HECTD4: variants seen among roughly 807,000 people sequenced by gnomAD.
HECTD4 encodes the protein probable E3 ubiquitin-protein ligase HECTD4.
Under a neutral mutation model 471.5 loss-of-function variants are expected in HECTD4, and 114 were observed. The ratio of observed to expected loss-of-function variants is 0.24; its 90% CI spans 0.21 to 0.28. HECTD4 has a LOEUF of 0.28. Among genes scored for constraint, HECTD4 ranks in the 10% least tolerant of loss-of-function variants. The pLI is 1.00. For missense variants in HECTD4, 3,866 were observed against 5,651.5 expected (o/e 0.68, Z 10.13); for synonymous variants, 2,012 against 2,256.0 (o/e 0.89, Z 3.07).
chr12:112,189,783 C>T (rs899069123), intron 60 of HECTD4, among the ~76,000 whole-genome samples: 1 of 151,450 alleles, frequency 6.6e-6, no homozygotes, highest in Non-Finnish European at 1.5e-5. Flanking sequence ...GATGGAGTTT[C>T]GCTCTTGTTG....
chr12:112,357,953 A>G (rs1004801909), intron 1 of HECTD4, among the ~76,000 whole-genome samples: 2 of 152,224 alleles, frequency 1.3e-5, no homozygotes, highest in African/African-American at 4.8e-5. Context: ...CTGTCATCCC[A>G]GCACTTTGGG....
chr12:112,319,523 A>G lies in HECTD4; in HGVS notation c.397T>C (p.Leu133=). The change falls in exon 2 of 76, where the codon TTG becomes CTG. Residue 133 remains leucine, a synonymous_variant. Coordinates refer to ENST00000682272, the MANE Select transcript of HECTD4 (RefSeq NM_001388303.1). This position sits in a 1 kb window ranked among gnomAD's most constrained non-coding sequence, Gnocchi z 5.3. ...TLALLKRQGL[L]QQPEQAPFTS... Reference sequence around the variant, plus strand: ...AAGGGCGCTTGCTCAGGTTGCTGCAACAAGCCCTGGCGTTTGAGCAGGGCC... The same window carrying G: ...AAGGGCGCTTGCTCAGGTTGCTGCAGCAAGCCCTGGCGTTTGAGCAGGGCC... 2 of 1,463,606 alleles carry G rather than the reference A, an allele frequency of 1.4e-6. No homozygotes were observed. Among genetic ancestry groups the G allele is most frequent in the East Asian group, 5.0e-5 (2 of 40,326 alleles). 90.7% of individuals were successfully genotyped at this position (1,463,606 alleles called of 1,614,324 possible).
intron 1 of HECTD4, among the ~76,000 whole-genome samples, chr12:112,352,804 G>A (rs561658108): frequency 2.6e-4 from 40 of 151,464 alleles, no homozygotes; most frequent in Admixed American, 7.9e-4. Flanking sequence ...ACAGAGTCTC[G>A]CTATGTTGCC....
At chr12:112,183,839 G>T (rs2031758944) in intron 61 of HECTD4, among the ~76,000 whole-genome samples, 1 of 152,178 alleles carries the variant, frequency 6.6e-6, no homozygotes, top group Non-Finnish European at 1.5e-5. Context: ...TTCTCATGCT[G>T]CTCAGTGACC....
intron 1 of HECTD4, among the ~76,000 whole-genome samples, chr12:112,363,193 TTA>T (rs1021678596): frequency 1.3e-5 from 2 of 152,148 alleles, no homozygotes; most frequent in African/African-American, 4.8e-5. Context: ...TTTTTAAAAT[TTA>T]TATATAACAT....
intron 1 of HECTD4, among the ~76,000 whole-genome samples, chr12:112,358,935 G>A (rs952304788): frequency 6.6e-6 from 1 of 152,066 alleles, no homozygotes; most frequent in African/African-American, 2.4e-5. Context: ...CAGCACTTTG[G>A]GAGGCCGAGG....
rs929663222 is a variant in HECTD4, at chr12:112,382,390, G to T, written c.-262C>A. ...GGAGCAGGATCCGCCTCTGCCGCTC[G>T]GCAACCAACTGTCAGTGAGACGCCA... On this transcript the variant is annotated 5_prime_UTR_variant, in exon 1 of 76. Transcript: ENST00000682272. The T allele has an allele frequency of 5.9e-6, 2 of 336,378 alleles. No individual in the cohort carries two copies. The highest frequency in any genetic ancestry group is 1.0e-4 in the Admixed American group (2 of 19,442). 20.8% of individuals were successfully genotyped at this position (336,378 alleles called of 1,614,324 possible). A position where few individuals can be genotyped will look rare whatever the true frequency, so the allele number is the denominator to read the frequency against.
intron 43 of HECTD4, 119 bp downstream of exon 43, chr12:112,227,970 T>C: frequency 1.2e-6 from 1 of 864,956 alleles, no homozygotes; most frequent in Middle Eastern, 3.8e-4. Context: ...TTGCTCAGTT[T>C]AGTGTGAGCT....
intron 54 of HECTD4, chr12:112,201,402 G>A (rs538173682): frequency 1.3e-5 from 2 of 155,448 alleles, no homozygotes; most frequent in Admixed American, 6.4e-5. Context: ...AGGAATCAGA[G>A]AGATTTTAAA....
At chr12:112,369,305 G>A (rs923398711) in intron 1 of HECTD4, among the ~76,000 whole-genome samples, 8 of 151,134 alleles carry the variant, frequency 5.3e-5, no homozygotes, top group African/African-American at 1.7e-4. Context: ...CTTTTGGAGC[G>A]AAAGTTATTG....
At chr12:112,356,398 TCTCA>T (rs1316788309) in intron 1 of HECTD4, among the ~76,000 whole-genome samples, 5 of 152,290 alleles carry the variant, frequency 3.3e-5, no homozygotes, top group South Asian at 4.1e-4. Flanking sequence ...ATCTTTTCCG[TCTCA>T]CTCTCTTTCT....
At chr12:112,234,211 CCTTT>C (rs1424762680) in intron 37 of HECTD4, among the ~76,000 whole-genome samples, 1 of 152,116 alleles carries the variant, frequency 6.6e-6, no homozygotes, top group Non-Finnish European at 1.5e-5. Flanking sequence ...TATTAGTGTT[CCTTT>C]CTAATAGTTC....
intron 1 of HECTD4, among the ~76,000 whole-genome samples, chr12:112,370,345 T>C (rs1189390403): frequency 6.6e-6 from 1 of 152,210 alleles, no homozygotes; most frequent in Non-Finnish European, 1.5e-5. Flanking sequence ...TGAGAATAAA[T>C]CCATGTTGCC....
At chr12:112,169,414 C>G (rs1483077355) in intron 70 of HECTD4, 89 bp downstream of exon 70, 47 of 1,385,954 alleles carry the variant, frequency 3.4e-5, no homozygotes, top group Non-Finnish European at 4.0e-5. Context: ...GGCTTTTACT[C>G]TTGGAAATGG....
chr12:112,287,435 G>A (rs2034776298), intron 7 of HECTD4, among the ~76,000 whole-genome samples: 1 of 152,152 alleles, frequency 6.6e-6, no homozygotes, highest in African/African-American at 2.4e-5. Flanking sequence ...GGGAGAAGAG[G>A]GGAAGACTCT....
intron 7 of HECTD4, among the ~76,000 whole-genome samples, chr12:112,304,967 T>C (rs2035244855): frequency 6.6e-6 from 1 of 152,214 alleles, no homozygotes; most frequent in Admixed American, 6.5e-5. Flanking sequence ...TGCTAATTTC[T>C]TCCCAGAAGG....
intron 7 of HECTD4, 118 bp from the exon 8 acceptor site, chr12:112,283,420 G>T: frequency 2.8e-6 from 2 of 705,634 alleles, no homozygotes; most frequent in Non-Finnish European, 4.6e-6. Flanking sequence ...CTCCTGAGTA[G>T]ATGTATACCT....
chr12:112,242,989 C>A (rs558956519), intron 32 of HECTD4, among the ~76,000 whole-genome samples: 1 of 152,232 alleles, frequency 6.6e-6, no homozygotes, highest in East Asian at 1.9e-4. Context: ...CTAAGACATA[C>A]TGAGCAAAAC....
chr12:112,313,856 C>G (rs2035421400), intron 3 of HECTD4, among the ~76,000 whole-genome samples: 1 of 151,972 alleles, frequency 6.6e-6, no homozygotes, highest in Non-Finnish European at 1.5e-5. Context: ...GTAAAATATA[C>G]TATTTTATGT....
Sources: gnomAD v4.1 joint callset for allele counts (sites outside exome capture counted in the v4.1 genomes callset) on GRCh38, gnomAD v4.1.1 for gene constraint, Gnocchi (gnomAD v3.1) non-coding constraint, MANE v1.5 for transcripts, NCBI Gene and HGNC (gene_info 2026-07-23, HGNC 2026-07-21) for gene names.